The following PLXNC1 variants were observed in gnomAD, a reference collection of about 807,000 sequenced individuals.
PLXNC1 encodes the protein plexin C1.
Under a neutral mutation model 178.2 loss-of-function variants are expected in PLXNC1, and 75 were observed. The ratio of observed to expected loss-of-function variants is 0.42; its 90% CI spans 0.35 to 0.51. The LOEUF (loss-of-function observed/expected upper bound fraction) is 0.51, where lower values mean the gene tolerates loss of function less well. Ranked by LOEUF, PLXNC1 falls within the 20% of genes least tolerant of loss-of-function variation. The pLI is 0.02. For missense variants in PLXNC1, 1,503 were observed against 1,984.4 expected (o/e 0.76, Z 4.61); for synonymous variants, 790 against 779.9 (o/e 1.01, Z -0.22).
intron 9 of PLXNC1, 124 bp downstream of exon 9, chr12:94,227,359 T>G: frequency 1.7e-6 from 1 of 597,412 alleles, no homozygotes. Context: ...AATTCCCTTT[T>G]GTGTCTTTGG....
intron 9 of PLXNC1, among the ~76,000 whole-genome samples, chr12:94,232,666 G>C (rs760491434): frequency 1.4e-4 from 22 of 152,146 alleles, no homozygotes; most frequent in Non-Finnish European, 2.9e-4. Context: ...ATAATATTTT[G>C]GAGGAAATAA....
Position 94,263,136 on chromosome 12 carries a change from A to G in PLXNC1, c.3451-1943A>G, listed in dbSNP as rs1389357819. On this transcript the variant is annotated intron_variant, in intron 20 of 30. Transcript: ENST00000258526. The stretch of plus-strand genomic sequence containing the variant: ...CCTAAAAGTTGTGTTTAGTGGTGAC[A>G]GAGAAACCTCATGGCCCTGTGATTC... Among the ~76,000 whole-genome samples, 2 of 152,178 alleles carry G rather than the reference A, an allele frequency of 1.3e-5. 1 individual carries two copies. The highest frequency in any genetic ancestry group is 3.8e-4 in the East Asian group (2 of 5,196).
chr12:94,284,198 T>C (rs914277956), intron 23 of PLXNC1, among the ~76,000 whole-genome samples: 22 of 152,146 alleles, frequency 1.4e-4, no homozygotes, highest in African/African-American at 5.1e-4. Flanking sequence ...GTCAGAATCT[T>C]GTAGCCTCCA....
chr12:94,301,162 G>C, intron 28 of PLXNC1, 105 bp downstream of exon 28: 2 of 831,068 alleles, frequency 2.4e-6, no homozygotes, highest in East Asian at 5.3e-5. Flanking sequence ...AACTACACCA[G>C]CTAAAAAGAG....
Position 94,301,033 on chromosome 12 carries a change from T to A in PLXNC1, c.4362T>A (p.Ser1454=). 2 of 1,613,860 alleles carry A rather than the reference T, an allele frequency of 1.2e-6. No individual in the cohort carries two copies. Among genetic ancestry groups the A allele is most frequent in the Non-Finnish European group, 1.7e-6 (2 of 1,179,794 alleles). The change falls in exon 28 of 31, where the codon TCT becomes TCA. Residue 1454 remains serine, a synonymous_variant. Coordinates refer to ENST00000258526, the MANE Select transcript of PLXNC1 (RefSeq NM_005761.3). ...CCCAGGCATTCATGGATGCATTTTC[T>A]CTCACAGAGCAGCAACTAGGGAAGG... ...VIAQAFMDAF[S]LTEQQLGKEA...
intron 21 of PLXNC1, among the ~76,000 whole-genome samples, chr12:94,268,588 C>CTTTTTTT (rs61265662): frequency 3.3e-4 from 30 of 90,864 alleles, no homozygotes; most frequent in East Asian, 1.1e-3. Context: ...AGAATAAGAC[C>CTTTTTTT]TTTTTTTTTT....
chr12:94,159,121 T>G (rs140284050), intron 1 of PLXNC1, among the ~76,000 whole-genome samples: 216 of 152,362 alleles, frequency 1.4e-3, no homozygotes, highest in Non-Finnish European at 2.6e-3. Context: ...CCAAGCAATG[T>G]GTGGAGACAT....
chr12:94,252,302 A>T (rs78845340), intron 15 of PLXNC1, among the ~76,000 whole-genome samples: 1,698 of 152,254 alleles, frequency 0.011, 24 homozygotes, highest in African/African-American at 0.038. Flanking sequence ...ACAGTGGCAC[A>T]CACCTGTAGT....
At chr12:94,177,183 A>G (rs1242991065) in intron 2 of PLXNC1, among the ~76,000 whole-genome samples, 1,006 of 33,448 alleles carry the variant, frequency 0.03, 29 homozygotes, top group African/African-American at 0.12. Context: ...ATACGTATAT[A>G]TATGTATATA....
chr12:94,270,945 C>G (rs541509415), intron 21 of PLXNC1, among the ~76,000 whole-genome samples: 9 of 151,970 alleles, frequency 5.9e-5, no homozygotes, highest in African/African-American at 1.9e-4. Flanking sequence ...CAAAGGGGAA[C>G]GTCAGGCAGA....
Position 94,223,862 on chromosome 12 carries a change from C to T in PLXNC1, c.1703-366C>T, listed in dbSNP as rs11107459. ...TGCTCCGGTTTTCATGTTCTAGGCA[C>T]TTCTTGCTCGGTGACTTGTTTTGTT... On this transcript the variant is annotated intron_variant, in intron 6 of 30. Transcript: ENST00000258526. Among the ~76,000 whole-genome samples the T allele has an allele frequency of 7.9e-5, 12 of 152,286 alleles. No individual in the cohort carries two copies. The East Asian group carries it at 1.7e-3, about 22-fold the overall frequency.
chr12:94,275,399 G>A (rs1368908535), intron 21 of PLXNC1, among the ~76,000 whole-genome samples: 2 of 152,218 alleles, frequency 1.3e-5, no homozygotes, highest in Admixed American at 6.5e-5. Context: ...CCCCGATGGG[G>A]TACAGTGGCT....
At chr12:94,274,582 C>A (rs528854403) in intron 21 of PLXNC1, among the ~76,000 whole-genome samples, 2 of 152,178 alleles carry the variant, frequency 1.3e-5, no homozygotes, top group Admixed American at 1.3e-4. Flanking sequence ...CAGGGCAGTC[C>A]CTCTAAACAG....
intron 23 of PLXNC1, 149 bp downstream of exon 23, chr12:94,282,550 T>C: frequency 1.6e-6 from 1 of 613,172 alleles, no homozygotes; most frequent in South Asian, 2.0e-5. Context: ...TTTCGTTGCT[T>C]GTGCAGACAA....
intron 4 of PLXNC1, among the ~76,000 whole-genome samples, chr12:94,192,267 G>C (rs1211669673): frequency 6.6e-6 from 1 of 152,174 alleles, no homozygotes; most frequent in Admixed American, 6.5e-5. Flanking sequence ...GAACTCGCAT[G>C]CTAGCTGGGA....
intron 20 of PLXNC1, among the ~76,000 whole-genome samples, chr12:94,263,906 T>A (rs905810428): frequency 8.6e-5 from 13 of 151,692 alleles, no homozygotes; most frequent in Admixed American, 4.6e-4. Flanking sequence ...AGGGTTGGGG[T>A]GGGATGCTGA....
At chr12:94,257,290 G>A (rs1355232980) in intron 17 of PLXNC1, among the ~76,000 whole-genome samples, 2 of 152,222 alleles carry the variant, frequency 1.3e-5, no homozygotes, top group Non-Finnish European at 2.9e-5. Flanking sequence ...ATCCAGAGGA[G>A]ATTGTAGGTT....
intron 4 of PLXNC1, among the ~76,000 whole-genome samples, chr12:94,205,876 G>A (rs560202896): frequency 6.6e-6 from 1 of 152,346 alleles, no homozygotes; most frequent in Admixed American, 6.5e-5. Flanking sequence ...CTATTAAGTG[G>A]TGGTTAGGAT....
chr12:94,272,128 T>C (rs527475226), intron 21 of PLXNC1: 2 of 152,168 alleles, frequency 1.3e-5, no homozygotes, highest in Non-Finnish European at 2.9e-5. Context: ...TCCAATAGTC[T>C]TTTCTTTCTC....
Sources: allele counts gnomAD v4.1 joint callset (sites outside exome capture counted in the v4.1 genomes callset), GRCh38; gene constraint gnomAD v4.1.1; transcripts MANE v1.5; gene names NCBI Gene and HGNC (gene_info 2026-07-23, HGNC 2026-07-21).